Variants in SYCP1 observed in about 807,000 individuals in gnomAD.
SYCP1 encodes cancer/testis antigen 8.
In SYCP1, 64 loss-of-function variants were observed where a neutral mutation model predicts 153.1. The ratio of observed to expected loss-of-function variants is 0.42; its 90% CI spans 0.34 to 0.51. The LOEUF is 0.51. Among genes scored for constraint, SYCP1 ranks in the 20% least tolerant of loss-of-function variants. SYCP1 has a pLI of 0.06. For missense variants in SYCP1, 997 were observed against 1,049.0 expected (o/e 0.95, Z 0.68); for synonymous variants, 384 against 341.8 (o/e 1.12, Z -1.36).
At chr1:114,922,182 G>A (rs1229310678) in intron 20 of SYCP1, among the ~76,000 whole-genome samples, 2 of 151,946 alleles carry the variant, frequency 1.3e-5, no homozygotes, top group Non-Finnish European at 2.9e-5. Flanking sequence ...CTCTAGGTTG[G>A]GAAGTTCTCT....
chr1:114,977,565 CA>C lies in SYCP1; in HGVS notation c.2335del (p.Arg779GlufsTer79). 1.4e-6 allele frequency: 2 copies of C among 1,474,944 alleles called. No individual in the cohort carries two copies. The highest frequency in any genetic ancestry group is 1.8e-6 in the Non-Finnish European group (2 of 1,102,534). The allele number at this position is 1,474,944 out of a possible 1,614,324, so 91.4% of individuals were successfully genotyped here. Reference sequence around the variant, plus strand: ...ATATTTATTTTTAATAGGAAAAACTCAAAAGAGAGGCAAAAGAAAACACAGC... The same window carrying C: ...ATATTTATTTTTAATAGGAAAAACTCAAAGAGAGGCAAAAGAAAACACAGC... ...EIEREEKEKL[K>X]REAKENTATL... On this transcript the variant is annotated frameshift_variant, in exon 28 of 32. Coordinates refer to ENST00000369522, the MANE Select transcript of SYCP1 (RefSeq NM_003176.4). LOFTEE classifies it high-confidence loss of function.
At chr1:114,854,842 C>G (rs945428488), upstream of SYCP1, 2 of 152,224 alleles carry the variant, frequency 1.3e-5, no homozygotes, top group Non-Finnish European at 2.9e-5. Context: ...GGTTATTTAG[C>G]CGTTGAACTG....
At chr1:114,871,119 G>A (rs916578258) in intron 8 of SYCP1, among the ~76,000 whole-genome samples, 1 of 151,112 alleles carries the variant, frequency 6.6e-6, no homozygotes, top group Admixed American at 6.6e-5. Flanking sequence ...ACCCTCTACT[G>A]CTTCAAGGTT....
At chr1:114,962,051 C>T (rs1281193618) in intron 27 of SYCP1, among the ~76,000 whole-genome samples, 3 of 149,494 alleles carry the variant, frequency 2.0e-5, no homozygotes, top group Non-Finnish European at 4.4e-5. Flanking sequence ...AATTTCGGCT[C>T]ACTAAAACCT....
intron 27 of SYCP1, 34 bp downstream of exon 27, chr1:114,947,354 C>T (rs371217215): frequency 3.1e-5 from 47 of 1,538,768 alleles, no homozygotes; most frequent in Middle Eastern, 3.4e-4. Flanking sequence ...AAAATGATTA[C>T]AAGGTTTAGG....
intron 23 of SYCP1, among the ~76,000 whole-genome samples, chr1:114,941,759 ACTT>A (rs1435811194): frequency 6.6e-6 from 1 of 152,122 alleles, no homozygotes; most frequent in African/African-American, 2.4e-5. Flanking sequence ...CAAGTCCAAA[ACTT>A]TATAGCACAG....
intron 20 of SYCP1, among the ~76,000 whole-genome samples, chr1:114,916,247 A>G (rs549272653): frequency 6.6e-6 from 1 of 152,272 alleles, no homozygotes; most frequent in South Asian, 2.1e-4. Flanking sequence ...ATGTAATGAC[A>G]TTATTTTAGT....
At chr1:114,949,516 G>A (rs1377216734) in intron 27 of SYCP1, among the ~76,000 whole-genome samples, 1 of 152,144 alleles carries the variant, frequency 6.6e-6, no homozygotes, top group Non-Finnish European at 1.5e-5. Context: ...GTTAGGAGAG[G>A]CCCTCCTTCT....
At chr1:114,869,950 G>A (rs1210417306) in intron 8 of SYCP1, among the ~76,000 whole-genome samples, 1 of 152,024 alleles carries the variant, frequency 6.6e-6, no homozygotes, top group Admixed American at 6.6e-5. Flanking sequence ...ATATTATTAG[G>A]CCTATACATG....
chr1:114,944,994 C>T lies in SYCP1; in HGVS notation c.2154+12C>T, dbSNP rs540534465. On this transcript the variant is annotated intron_variant, in intron 25 of 31. Transcript: ENST00000369522. ...TGGAAAAACATAAGGTAATTTTTTT[C>T]TTCTTATATAATGAAAATTATTAAT... 2.6e-6 allele frequency: 4 copies of T among 1,522,772 alleles called. No individual in the cohort carries two copies. The East Asian group carries it at 7.0e-5, about 27-fold the overall frequency. The allele number at this position is 1,522,772 out of a possible 1,614,324, so 94.3% of individuals were successfully genotyped here. A position where few individuals can be genotyped will look rare whatever the true frequency, so the allele number is the denominator to read the frequency against.
At chr1:114,862,506 C>T (rs1441864629) in intron 8 of SYCP1, among the ~76,000 whole-genome samples, 3 of 151,948 alleles carry the variant, frequency 2.0e-5, no homozygotes, top group Non-Finnish European at 4.4e-5. Flanking sequence ...CCCACCACCA[C>T]GCTGGCTAAT....
At chr1:114,886,333 A>T in intron 14 of SYCP1, 24 bp downstream of exon 14, 1 of 1,480,216 alleles carries the variant, frequency 6.8e-7, no homozygotes, top group Non-Finnish European at 9.0e-7. Context: ...TATTTTTAAT[A>T]CACAAAATAA....
chr1:114,975,432 T>A (rs1672746184), intron 27 of SYCP1, among the ~76,000 whole-genome samples: 1 of 151,428 alleles, frequency 6.6e-6, no homozygotes. Flanking sequence ...TATTTTAAAA[T>A]AATGTATCTA....
At chr1:114,986,825 G>A (rs986307415) in intron 30 of SYCP1, among the ~76,000 whole-genome samples, 1 of 151,930 alleles carries the variant, frequency 6.6e-6, no homozygotes, top group African/African-American at 2.4e-5. Flanking sequence ...TTATTTGAAT[G>A]TTTATAGCTT....
In SYCP1 at chr1:114,857,110, A is replaced by C. The variant is rs542313983; in HGVS notation, c.194-122A>C. 63 of 766,804 alleles carry C rather than the reference A, an allele frequency of 8.2e-5. 1 individual carries two copies. In the South Asian group the frequency reaches 1.4e-3, roughly 17 times the overall value. The allele number at this position is 766,804 out of a possible 1,614,324, so 47.5% of individuals were successfully genotyped here. A position where few individuals can be genotyped will look rare whatever the true frequency, so the allele number is the denominator to read the frequency against. On this transcript the variant is annotated intron_variant, in intron 3 of 31. Coordinates refer to ENST00000369522, the MANE Select transcript of SYCP1 (RefSeq NM_003176.4). ...TGGGTCACTGCCCTCTAGTCTAGGC[A>C]ATAGTGCCAGATGTCCTCTCTCTCT...
In SYCP1 at chr1:114,911,182, T is replaced by A. The variant is rs528149361; in HGVS notation, c.1426-297T>A. ...CATCAATTAATATATTTCTCCTTGA[T>A]AATATAACATTTTAATAGAAATTAG... On this transcript the variant is annotated intron_variant, in intron 17 of 31. Transcript: ENST00000369522. Among the ~76,000 whole-genome samples, 288 of 152,126 alleles carry A rather than the reference T, an allele frequency of 1.9e-3. 1 individual carries two copies. The highest frequency in any genetic ancestry group is 3.3e-3 in the South Asian group (16 of 4,812).
chr1:114,861,412 T>G (rs1487739605), intron 8 of SYCP1, among the ~76,000 whole-genome samples: 1 of 152,200 alleles, frequency 6.6e-6, no homozygotes, highest in African/African-American at 2.4e-5. Context: ...TTTGCCATAA[T>G]TTGACCCTGG....
chr1:114,858,243 T>C (rs1664146426), intron 5 of SYCP1, among the ~76,000 whole-genome samples: 1 of 152,150 alleles, frequency 6.6e-6, no homozygotes, highest in Admixed American at 6.5e-5. Context: ...ATAGATTTCT[T>C]ATAGGATGAT....
chr1:114,913,726 C>G (rs1332332511), intron 19 of SYCP1, among the ~76,000 whole-genome samples: 2 of 151,960 alleles, frequency 1.3e-5, no homozygotes, highest in Non-Finnish European at 2.9e-5. Flanking sequence ...ACAAAGGATA[C>G]AGACTCAAAG....
Sources: allele counts gnomAD v4.1 joint callset (sites outside exome capture counted in the v4.1 genomes callset), GRCh38; gene constraint gnomAD v4.1.1; transcripts MANE v1.5; gene names NCBI Gene and HGNC (gene_info 2026-07-23, HGNC 2026-07-21).